Variants in NHSL3 observed in about 807,000 individuals in gnomAD.
NHSL3 encodes the protein NHS-like protein 3.
chr1:32,753,493 A>T, the NHSL3 span, among the ~76,000 whole-genome samples: 1 of 152,130 alleles, frequency 6.6e-6, no homozygotes, highest in East Asian at 1.9e-4. Context: ...AAAAAAATAA[A>T]AAAAATAATA....
the NHSL3 span, among the ~76,000 whole-genome samples, chr1:32,743,724 G>A: frequency 7.9e-5 from 12 of 152,248 alleles, no homozygotes; most frequent in African/African-American, 1.2e-4. Flanking sequence ...AGCTGAGCCT[G>A]TAGGTCACTG....
the NHSL3 span, among the ~76,000 whole-genome samples, chr1:32,752,962 T>C: frequency 0.18 from 5,837 of 32,622 alleles, 206 homozygotes; most frequent in East Asian, 0.28. Flanking sequence ...TATATATATA[T>C]ATATATTTTG....
the NHSL3 span, chr1:32,768,556 C>G: frequency 6.8e-7 from 1 of 1,472,744 alleles, no homozygotes; most frequent in Non-Finnish European, 9.3e-7. Context: ...GATTTCGCTA[C>G]TGCACTCCAG....
At chr1:32,762,467 C>CT in the NHSL3 span, among the ~76,000 whole-genome samples, 498 of 142,304 alleles carry the variant, frequency 3.5e-3, 3 homozygotes, top group South Asian at 0.011. Flanking sequence ...TATATATTTA[C>CT]TTTTTTTTTT....
At chr1:32,754,139 G>C in the NHSL3 span, 10 of 711,978 alleles carry the variant, frequency 1.4e-5, no homozygotes, top group East Asian at 2.2e-4. Flanking sequence ...CCCCGGGTCC[G>C]CAGCTTCTGG....
chr1:32,772,424 T>A, the NHSL3 span: 1 of 1,526,244 alleles, frequency 6.6e-7, no homozygotes, highest in South Asian at 1.3e-5. Flanking sequence ...GAGGAGAAGA[T>A]GGGCCTCCCG....
At chr1:32,772,279 C>T in the NHSL3 span, 1 of 1,598,822 alleles carries the variant, frequency 6.3e-7, no homozygotes, top group South Asian at 1.1e-5. Context: ...TGTGGGAGTC[C>T]CCCCACCCGC....
chr1:32,750,327 G>A, the NHSL3 span, among the ~76,000 whole-genome samples: 1 of 152,164 alleles, frequency 6.6e-6, no homozygotes, highest in Non-Finnish European at 1.5e-5. Flanking sequence ...GCCCATCTCT[G>A]TGCTTGGCAT....
At chr1:32,772,553 AT>A in the NHSL3 span, 8 of 1,436,306 alleles carry the variant, frequency 5.6e-6, no homozygotes, top group South Asian at 1.2e-4. Flanking sequence ...TGGTCTGAGA[AT>A]GCCTGGGAAG....
the NHSL3 span, chr1:32,771,418 C>T: frequency 1.3e-6 from 2 of 1,583,664 alleles, no homozygotes; most frequent in South Asian, 2.3e-5. Flanking sequence ...CACTAAGAAG[C>T]CAGAGGTGGT....
the NHSL3 span, chr1:32,769,738 C>T: frequency 1.8e-5 from 29 of 1,611,466 alleles, no homozygotes; most frequent in East Asian, 2.2e-5. Context: ...TCGGCGGGAG[C>T]GGCGGAGCAC....
chr1:32,743,874 G>C, the NHSL3 span, among the ~76,000 whole-genome samples: 1 of 152,186 alleles, frequency 6.6e-6, no homozygotes, highest in African/African-American at 2.4e-5. Flanking sequence ...ACACCTCCTT[G>C]CCCCTGGCTG....
the NHSL3 span, among the ~76,000 whole-genome samples, chr1:32,748,717 A>G: frequency 1.3e-5 from 2 of 152,112 alleles, no homozygotes; most frequent in Non-Finnish European, 2.9e-5. Context: ...CAGTGTCCTT[A>G]CCTGGGGCCT....
the NHSL3 span, among the ~76,000 whole-genome samples, chr1:32,764,026 A>G: frequency 6.6e-6 from 1 of 151,116 alleles, no homozygotes; most frequent in Non-Finnish European, 1.5e-5. Flanking sequence ...CGCCTGGGTA[A>G]TTTTCAAAGT....
chr1:32,752,930 CACACACACACACACACACACATATATAT>C, the NHSL3 span, among the ~76,000 whole-genome samples: 5,375 of 18,310 alleles, frequency 0.29, 266 homozygotes, highest in South Asian at 0.45. Context: ...CACACACACA[CACACACACACACACACACACATATATAT>C]ATATATATAT....
the NHSL3 span, among the ~76,000 whole-genome samples, chr1:32,742,397 G>A: frequency 6.6e-6 from 1 of 152,254 alleles, no homozygotes; most frequent in Admixed American, 6.5e-5. Flanking sequence ...CCGCTGTGAG[G>A]GGAGGGGACC....
chr1:32,770,328 C>G, the NHSL3 span: 17 of 1,612,052 alleles, frequency 1.1e-5, no homozygotes, highest in Non-Finnish European at 1.4e-5. This position sits in a 1 kb window ranked among gnomAD's most constrained non-coding sequence, Gnocchi z 8.3. Context: ...GCAGCCTGCA[C>G]TCGGCCAGCC....
At chr1:32,748,882 G>T in the NHSL3 span, among the ~76,000 whole-genome samples, 1 of 152,094 alleles carries the variant, frequency 6.6e-6, no homozygotes, top group Admixed American at 6.5e-5. Flanking sequence ...TGGCTGCTCT[G>T]TCTCCCCCAG....
At chr1:32,770,575 G>T in the NHSL3 span, 2 of 1,523,810 alleles carry the variant, frequency 1.3e-6, no homozygotes, top group South Asian at 1.3e-5. This position sits in a 1 kb window ranked among gnomAD's most constrained non-coding sequence, Gnocchi z 8.3. Flanking sequence ...CTCTCCCAGT[G>T]GGGGCAGCAC....
Sources: allele counts gnomAD v4.1 joint callset (sites outside exome capture counted in the v4.1 genomes callset), GRCh38; gene constraint gnomAD v4.1.1; non-coding constraint Gnocchi (gnomAD v3.1); transcripts MANE v1.5; gene names NCBI Gene and HGNC (gene_info 2026-07-23, HGNC 2026-07-21).